DPP10: variants seen among roughly 807,000 people sequenced by gnomAD.
DPP10 encodes dipeptidyl peptidase like 10, also known as inactive dipeptidyl peptidase 10.
Under a neutral mutation model 120.9 loss-of-function variants are expected in DPP10, and 33 were observed. The observed-to-expected ratio is 0.27, with a 90% CI of 0.21 to 0.37. The LOEUF is 0.37. Ranked by LOEUF, DPP10 falls within the 10% of genes least tolerant of loss-of-function variation. The pLI, the probability that DPP10 is intolerant of heterozygous loss-of-function variation, is 1.00. For synonymous variants in DPP10, 337 were observed against 326.1 expected (o/e 1.03, Z -0.36); for missense variants, 816 against 942.8 (o/e 0.87, Z 1.76).
chr2:115,394,305 T>C (rs2067516052), intron 3 of DPP10, among the ~76,000 whole-genome samples: 1 of 152,062 alleles, frequency 6.6e-6, no homozygotes, highest in Non-Finnish European at 1.5e-5. Context: ...AGAATTGAAA[T>C]GACTTACATC....
intron 1 of DPP10, among the ~76,000 whole-genome samples, chr2:114,738,982 A>G (rs979671442): frequency 6.6e-6 from 1 of 152,182 alleles, no homozygotes; most frequent in Non-Finnish European, 1.5e-5. Context: ...TATGGCCTGC[A>G]GTTCCCAGCA....
intron 1 of DPP10, among the ~76,000 whole-genome samples, chr2:115,189,987 A>C (rs889186234): frequency 1.3e-5 from 2 of 152,012 alleles, no homozygotes; most frequent in Non-Finnish European, 2.9e-5. Flanking sequence ...CAGGGGTGGT[A>C]TTGTTTGGAT....
Position 115,705,040 on chromosome 2 carries a change from T to A in DPP10, c.576+15119T>A, listed in dbSNP as rs532859293. 1.4e-3 allele frequency among the ~76,000 whole-genome samples: 212 copies of A among 152,068 alleles called. 1 individual carries two copies. The highest frequency in any genetic ancestry group is 2.2e-3 in the Non-Finnish European group (148 of 67,882). ...CAAATACAAACAAAAATTATCCACA[T>A]CTCTCTATCACCTGTGTTTTTGCTA... is the stretch of plus-strand genomic sequence containing the variant. On this transcript the variant is annotated intron_variant, in intron 7 of 25. Coordinates refer to ENST00000410059, the MANE Select transcript of DPP10 (RefSeq NM_020868.6).
chr2:115,471,210 A>C (rs959263889), intron 3 of DPP10, among the ~76,000 whole-genome samples: 1 of 152,192 alleles, frequency 6.6e-6, no homozygotes, highest in African/African-American at 2.4e-5. Context: ...AATTCATAGA[A>C]AAGGATAATT....
intron 19 of DPP10, among the ~76,000 whole-genome samples, chr2:115,806,922 T>A (rs2150002846): frequency 6.6e-6 from 1 of 151,066 alleles, no homozygotes; most frequent in Non-Finnish European, 1.5e-5. Context: ...CATAGGAGAG[T>A]CACATTGCAG....
intron 1 of DPP10, among the ~76,000 whole-genome samples, chr2:114,754,656 C>T (rs1679565651): frequency 6.6e-6 from 1 of 152,162 alleles, no homozygotes; most frequent in Non-Finnish European, 1.5e-5. Flanking sequence ...TTCTTAAGAG[C>T]TCTTCAGATG....
At chr2:115,240,269 T>G (rs1017425007) in intron 1 of DPP10, among the ~76,000 whole-genome samples, 1 of 152,160 alleles carries the variant, frequency 6.6e-6, no homozygotes, top group Non-Finnish European at 1.5e-5. Flanking sequence ...CATCTGTTAT[T>G]TCCTGACTTT....
intron 5 of DPP10, among the ~76,000 whole-genome samples, chr2:115,574,781 A>C (rs2081548749): frequency 6.6e-6 from 1 of 152,162 alleles, no homozygotes; most frequent in African/African-American, 2.4e-5. Context: ...CGGGCATTGC[A>C]GTTCCTTAGA....
intron 1 of DPP10, among the ~76,000 whole-genome samples, chr2:114,581,788 T>C (rs1291942805): frequency 6.6e-6 from 1 of 152,206 alleles, no homozygotes; most frequent in African/African-American, 2.4e-5. Flanking sequence ...TCTACCCAAT[T>C]TAAAACTTAG....
At chr2:114,775,468 C>T (rs1440746593) in intron 1 of DPP10, among the ~76,000 whole-genome samples, 2 of 152,114 alleles carry the variant, frequency 1.3e-5, no homozygotes, top group South Asian at 2.1e-4. Flanking sequence ...CCATGCACAG[C>T]AACTCAAGGG....
intron 1 of DPP10, among the ~76,000 whole-genome samples, chr2:115,286,640 G>A (rs1034027431): frequency 1.4e-5 from 2 of 146,914 alleles, no homozygotes; most frequent in African/African-American, 2.5e-5. Flanking sequence ...GGTGTGTGTC[G>A]AGGAAGGAGG....
chr2:115,224,696 C>T (rs999743320), intron 1 of DPP10, among the ~76,000 whole-genome samples: 1 of 152,120 alleles, frequency 6.6e-6, no homozygotes, highest in Non-Finnish European at 1.5e-5. Context: ...ACACAATAAT[C>T]ATGTGAGATA....
chr2:114,507,244 T>A (rs1683753202), intron 1 of DPP10, among the ~76,000 whole-genome samples: 1 of 152,064 alleles, frequency 6.6e-6, no homozygotes, highest in African/African-American at 2.4e-5. Flanking sequence ...AGACAGAGTT[T>A]TACCGTGTTG....
At chr2:114,737,773 AAGCCAC>A (rs1292424564) in intron 1 of DPP10, among the ~76,000 whole-genome samples, 7 of 152,222 alleles carry the variant, frequency 4.6e-5, no homozygotes, top group African/African-American at 1.4e-4. Context: ...GACCTTGGGC[AAGCCAC>A]ATAAGCCTGC....
intron 10 of DPP10, among the ~76,000 whole-genome samples, chr2:115,747,794 T>C (rs907912026): frequency 4.6e-5 from 7 of 152,172 alleles, no homozygotes; most frequent in African/African-American, 1.7e-4. Flanking sequence ...GGGGTTTCAC[T>C]GTGTTAGCCA....
At chr2:114,467,463 G>T (rs1679499216) in intron 1 of DPP10, among the ~76,000 whole-genome samples, 1 of 152,262 alleles carries the variant, frequency 6.6e-6, no homozygotes, top group African/African-American at 2.4e-5. Context: ...AAAGTTTGAA[G>T]CATTGTGTGG....
At chr2:115,204,743 T>A (rs184251049) in intron 1 of DPP10, among the ~76,000 whole-genome samples, 2 of 152,214 alleles carry the variant, frequency 1.3e-5, no homozygotes, top group East Asian at 3.9e-4. Context: ...GCTCCTCCCG[T>A]GGGGAGCAGT....
chr2:115,504,605 A>G (rs572378815), intron 4 of DPP10, among the ~76,000 whole-genome samples: 2 of 152,174 alleles, frequency 1.3e-5, no homozygotes, highest in East Asian at 1.9e-4. Flanking sequence ...AATATTTCCA[A>G]TTCAGTCATC....
At chr2:115,800,004 C>G (rs1176103228) in intron 19 of DPP10, among the ~76,000 whole-genome samples, 3 of 151,542 alleles carry the variant, frequency 2.0e-5, no homozygotes, top group Admixed American at 6.6e-5. Context: ...CCTGAGGAAT[C>G]GCCACACCGA....
Sources: allele counts gnomAD v4.1 joint callset (sites outside exome capture counted in the v4.1 genomes callset), GRCh38; gene constraint gnomAD v4.1.1; transcripts MANE v1.5; gene names NCBI Gene and HGNC (gene_info 2026-07-23, HGNC 2026-07-21).